The following GRPEL1 variants were observed in gnomAD, a reference collection of about 807,000 sequenced individuals.
The protein encoded by GRPEL1 is GrpE like 1, mitochondrial.
In GRPEL1, 13 loss-of-function variants were observed where a neutral mutation model predicts 22.1. The observed-to-expected ratio is 0.59, with a 90% CI of 0.38 to 0.94. The LOEUF is 0.94. GRPEL1 is among the 40% of genes least tolerant of loss of function. The probability of loss-of-function intolerance (pLI) is 0.00; values close to 1 mark genes in which losing one functional copy is unlikely to be tolerated. For missense variants in GRPEL1, 289 were observed against 264.6 expected (o/e 1.09, Z -0.64); for synonymous variants, 109 against 105.3 (o/e 1.03, Z -0.21).
chr4:7,065,313 G>C (rs540619408), intron 1 of GRPEL1, among the ~76,000 whole-genome samples: 4 of 152,236 alleles, frequency 2.6e-5, no homozygotes, highest in East Asian at 1.9e-4. Flanking sequence ...TCAGGAGTTC[G>C]GGACCAGCCT....
intron 2 of GRPEL1, among the ~76,000 whole-genome samples, chr4:7,063,544 A>AT (rs1194704123): frequency 6.6e-6 from 1 of 152,232 alleles, no homozygotes; most frequent in Non-Finnish European, 1.5e-5. Context: ...GGCAGCCAGG[A>AT]TTAACATATG....
chr4:7,064,974 T>C (rs1724132208), intron 1 of GRPEL1, among the ~76,000 whole-genome samples: 1 of 152,204 alleles, frequency 6.6e-6, no homozygotes, highest in African/African-American at 2.4e-5. Flanking sequence ...TATAAGATCT[T>C]CTGTAAGTAC....
chr4:7,063,324 A>C (rs530997250), intron 2 of GRPEL1, among the ~76,000 whole-genome samples: 84 of 152,214 alleles, frequency 5.5e-4, no homozygotes, highest in African/African-American at 1.9e-3. Context: ...CCTGGGCTCA[A>C]GCAATCCTCT....
At chr4:7,062,287 C>A in intron 3 of GRPEL1, 98 bp downstream of exon 3, 1 of 532,646 alleles carries the variant, frequency 1.9e-6, no homozygotes, top group South Asian at 2.6e-5. Context: ...CCCCCCACCC[C>A]ACAGCCTTGC....
chr4:7,060,830 G>A lies in GRPEL1; in HGVS notation c.*32C>T, dbSNP rs895078711. 6.5e-7 allele frequency: 1 copy of A among 1,540,284 alleles called. No individual in the cohort carries two copies. Among genetic ancestry groups the A allele is most frequent in the African/African-American group, 1.4e-5 (1 of 73,090 alleles). On this transcript the variant is annotated 3_prime_UTR_variant, in exon 4 of 4. Transcript: ENST00000264954. Reference sequence around the variant, plus strand: ...ACCAGCCTTGAGAGTTACATCAAGTGAGTTTAAAAACACCCACCCCATCAA... The same window carrying A: ...ACCAGCCTTGAGAGTTACATCAAGTAAGTTTAAAAACACCCACCCCATCAA...
intron 3 of GRPEL1, chr4:7,061,434 G>C (rs951402308): frequency 3.8e-6 from 2 of 524,266 alleles, no homozygotes; most frequent in Non-Finnish European, 6.8e-6. Context: ...AAAATGTGAA[G>C]AAAGGAGTGC....
Position 7,060,573 on chromosome 4 carries a change from G to T in GRPEL1, c.*289C>A. 2.3e-6 allele frequency: 1 copy of T among 435,246 alleles called. No homozygotes were observed. The highest frequency in any genetic ancestry group is 3.6e-5 in the South Asian group (1 of 27,860). The allele number at this position is 435,246 out of a possible 1,614,324, so 27.0% of individuals were successfully genotyped here. A position where few individuals can be genotyped will look rare whatever the true frequency, so the allele number is the denominator to read the frequency against. On this transcript the variant is annotated 3_prime_UTR_variant, in exon 4 of 4. Coordinates refer to ENST00000264954, the MANE Select transcript of GRPEL1 (RefSeq NM_025196.4). ...TTTAAAATACTTTGGTGTCAGCAGA[G>T]TCTGAGCAGACACGTTACTCATGAT...
At chr4:7,066,167 A>G (rs1043519588) in intron 1 of GRPEL1, among the ~76,000 whole-genome samples, 53 of 152,150 alleles carry the variant, frequency 3.5e-4, no homozygotes, top group African/African-American at 1.3e-3. Flanking sequence ...GCTACATTCA[A>G]TTTTCTTCCC....
Position 7,062,388 on chromosome 4 carries a change from A to C in GRPEL1, c.304T>G (p.Tyr102Asp). The C allele has an allele frequency of 6.5e-7, 1 of 1,536,554 alleles. No individual in the cohort carries two copies. Among genetic ancestry groups the C allele is most frequent in the Non-Finnish European group, 9.0e-7 (1 of 1,113,836 alleles). Residue 102 changes from tyrosine (Y) to aspartate (D), a missense_variant, in exon 3 of 4, where the codon TAC becomes GAC. Tyr to Asp is a radical substitution (Grantham distance 160, BLOSUM62 -3). Transcript: ENST00000264954. ...CACCATGTTATGTTGAAAGTACCGT[A>C]TAATTTTGCCTCCTCCACCAATTTC... ...SQKLVEEAKLYGIQAFCKDLL... is the reference protein window; with the variant it reads ...SQKLVEEAKLDGIQAFCKDLL...
chr4:7,067,839 G>A (rs1300510757), intron 1 of GRPEL1, 132 bp downstream of exon 1: 4 of 915,344 alleles, frequency 4.4e-6, no homozygotes, highest in Admixed American at 2.4e-5. Flanking sequence ...TCCCGCGGCG[G>A]GGAACCGCGA....
chr4:7,064,580 T>C (rs1170173887), intron 1 of GRPEL1, among the ~76,000 whole-genome samples: 1 of 152,166 alleles, frequency 6.6e-6, no homozygotes, highest in Admixed American at 6.5e-5. Context: ...TCACCCAAAC[T>C]GAAGTGCAGT....
chr4:7,067,725 C>T (rs979803925), intron 1 of GRPEL1, among the ~76,000 whole-genome samples: 1 of 152,256 alleles, frequency 6.6e-6, no homozygotes, highest in Non-Finnish European at 1.5e-5. Flanking sequence ...ACGCCCCCCG[C>T]GCTGCGGTCC....
intron 1 of GRPEL1, among the ~76,000 whole-genome samples, chr4:7,065,313 G>A (rs540619408): frequency 3.3e-5 from 5 of 152,118 alleles, no homozygotes; most frequent in East Asian, 3.9e-4. Context: ...TCAGGAGTTC[G>A]GGACCAGCCT....
Position 7,060,784 on chromosome 4 carries a change from C to T in GRPEL1, c.*78G>A. On this transcript the variant is annotated 3_prime_UTR_variant, in exon 4 of 4. Coordinates refer to ENST00000264954, the MANE Select transcript of GRPEL1 (RefSeq NM_025196.4). ...AAGGTTTGGGAAAAGGTCACACGTA[C>T]TCATAGATGAGAAACAATGAACCAG... is the stretch of plus-strand genomic sequence containing the variant. The T allele has an allele frequency of 7.8e-7, 1 of 1,287,640 alleles. No individual in the cohort carries two copies. The highest frequency in any genetic ancestry group is 1.1e-6 in the Non-Finnish European group (1 of 919,256). 79.8% of individuals were successfully genotyped at this position (1,287,640 alleles called of 1,614,324 possible).
At chr4:7,067,618 T>G (rs1399134359) in intron 1 of GRPEL1, 3 of 354,042 alleles carry the variant, frequency 8.5e-6, no homozygotes, top group East Asian at 1.1e-4. Flanking sequence ...TGCGGCTGCC[T>G]CTGCGCCCGT....
chr4:7,062,485 G>GAGATTTATATATATAT lies in GRPEL1; in HGVS notation c.226-20_226-19insATATATATATAAATCT, dbSNP rs60458218. ...ATTTTTCCTAAAAGAGAAAAAAAGG[G>GAGATTTATATATATAT]ATATTTATATATATATATATATATA... On this transcript the variant is annotated intron_variant, in intron 2 of 3. Coordinates refer to ENST00000264954, the MANE Select transcript of GRPEL1 (RefSeq NM_025196.4). The GAGATTTATATATATAT allele has an allele frequency of 1.8e-5, 7 of 380,470 alleles. No individual in the cohort carries two copies. Among genetic ancestry groups the GAGATTTATATATATAT allele is most frequent in the Admixed American group, 6.8e-5 (1 of 14,642 alleles). 23.6% of individuals were successfully genotyped at this position (380,470 alleles called of 1,614,324 possible). A position where few individuals can be genotyped will look rare whatever the true frequency, so the allele number is the denominator to read the frequency against.
chr4:7,059,769 C>T lies in GRPEL1; in HGVS notation c.*1093G>A, dbSNP rs566819584. On this transcript the variant is annotated 3_prime_UTR_variant, in exon 4 of 4. Transcript: ENST00000264954. The stretch of plus-strand genomic sequence containing the variant: ...AGCCTTTTTCTAAGCCCTGGATGAC[C>T]GTGTAAATGAGGAACAGCCCTTTGG... 25 of 152,316 alleles carry T rather than the reference C, an allele frequency of 1.6e-4. No homozygotes were observed. The highest frequency in any genetic ancestry group is 5.5e-4 in the African/African-American group (23 of 41,564). The allele number at this position is 152,316 out of a possible 1,614,324, so 9.4% of individuals were successfully genotyped here. A position where few individuals can be genotyped will look rare whatever the true frequency, so the allele number is the denominator to read the frequency against.
intron 1 of GRPEL1, among the ~76,000 whole-genome samples, chr4:7,065,535 A>T (rs1459030144): frequency 6.9e-6 from 1 of 145,140 alleles, no homozygotes; most frequent in Non-Finnish European, 1.5e-5. Flanking sequence ...AAAAGTGATT[A>T]AAAAAAAAAA....
At chr4:7,061,338 G>A in intron 3 of GRPEL1, 130 bp from the exon 4 acceptor site, 1 of 685,356 alleles carries the variant, frequency 1.5e-6, no homozygotes, top group South Asian at 2.0e-5. Context: ...GAATTCCAAT[G>A]GCTCAATAAC....
Sources: gnomAD v4.1 joint callset for allele counts (sites outside exome capture counted in the v4.1 genomes callset) on GRCh38, gnomAD v4.1.1 for gene constraint, MANE v1.5 for transcripts, NCBI Gene and HGNC (gene_info 2026-07-23, HGNC 2026-07-21) for gene names.